Variants in COL12A1 observed in about 807,000 individuals in gnomAD.
COL12A1 encodes collagen alpha-1(XII) chain.
In COL12A1, 114 loss-of-function variants were observed where a neutral mutation model predicts 349.7. That is an observed-to-expected ratio of 0.33 (90% CI 0.28 to 0.38). The LOEUF is 0.38. Among genes scored for constraint, COL12A1 ranks in the 10% least tolerant of loss-of-function variants. The pLI is 1.00. For missense variants in COL12A1, 3,284 were observed against 3,756.9 expected (o/e 0.87, Z 3.29); for synonymous variants, 1,369 against 1,329.0 (o/e 1.03, Z -0.66).
At chr6:75,133,799 T>C (rs1766433545) in intron 33 of COL12A1, 59 bp downstream of exon 33, 1 of 1,596,202 alleles carries the variant, frequency 6.3e-7, no homozygotes, top group African/African-American at 1.3e-5. Flanking sequence ...AGTTCCACTT[T>C]TAAATCACTC....
chr6:75,140,398 T>A (rs923615948), intron 27 of COL12A1, among the ~76,000 whole-genome samples: 1 of 152,204 alleles, frequency 6.6e-6, no homozygotes, highest in African/African-American at 2.4e-5. Flanking sequence ...GGCTCACGCC[T>A]GTAATCCCAG....
At chr6:75,203,033 C>G (rs1770610450) in intron 1 of COL12A1, among the ~76,000 whole-genome samples, 1 of 152,188 alleles carries the variant, frequency 6.6e-6, no homozygotes, top group Admixed American at 6.5e-5. Flanking sequence ...GGAGGAAGTT[C>G]AAGTTTAAAA....
intron 23 of COL12A1, among the ~76,000 whole-genome samples, chr6:75,147,286 T>C (rs1387963243): frequency 6.6e-6 from 1 of 152,234 alleles, no homozygotes; most frequent in Admixed American, 6.5e-5. Flanking sequence ...TGATGTGCTT[T>C]ATTCCTCAAT....
chr6:75,130,314 G>A lies in COL12A1; in HGVS notation c.6068-81C>T, dbSNP rs1582097762. 1.1e-5 allele frequency: 15 copies of A among 1,385,672 alleles called. No homozygotes were observed. The East Asian group carries it at 3.5e-4, about 32-fold the overall frequency. 85.8% of individuals were successfully genotyped at this position (1,385,672 alleles called of 1,614,324 possible). On this transcript the variant is annotated intron_variant, in intron 36 of 65. Transcript: ENST00000322507. Reference sequence around the variant, plus strand: ...CAGATTAAGGAGGTTGCTTGCATGTGTTTCATTCACCATTCACTCAGATGT... The same window carrying A: ...CAGATTAAGGAGGTTGCTTGCATGTATTTCATTCACCATTCACTCAGATGT...
intron 14 of COL12A1, among the ~76,000 whole-genome samples, chr6:75,162,573 T>G (rs1386668027): frequency 6.6e-6 from 1 of 152,024 alleles, no homozygotes; most frequent in Non-Finnish European, 1.5e-5. Context: ...AGAAAACCTA[T>G]GCAATACCAT....
rs1395457336 is a variant in COL12A1, at chr6:75,151,121, A to G, written c.4147+20T>C. On this transcript the variant is annotated intron_variant, in intron 21 of 65. Transcript: ENST00000322507. ...AAATACCAGCAGTGCTGAGGGAGAG[A>G]AACTCTGGGTTAAACTTACCTGGAC... 1 of 1,301,730 alleles carries G rather than the reference A, an allele frequency of 7.7e-7. No homozygotes were observed. The highest frequency in any genetic ancestry group is 1.4e-5 in the South Asian group (1 of 72,414). 80.6% of individuals were successfully genotyped at this position (1,301,730 alleles called of 1,614,324 possible).
At chr6:75,103,698 T>G (rs1768413569) in intron 55 of COL12A1, 59 bp downstream of exon 55, 1 of 1,508,298 alleles carries the variant, frequency 6.6e-7, no homozygotes, top group South Asian at 1.1e-5. Context: ...TGTGAAAATT[T>G]GAACAACCAG....
rs923856499 is a variant in COL12A1 at position 75,147,770 on chromosome 6, A to C, written c.4322T>G (p.Leu1441Arg). The C allele has an allele frequency of 1.2e-6, 2 of 1,613,430 alleles. No homozygotes were observed. The highest frequency in any genetic ancestry group is 2.7e-5 in the African/African-American group (2 of 74,888). The stretch of plus-strand genomic sequence containing the variant: ...TTCAGTTTCAGGTTTCAGATCTTTC[A>C]GCACTGTGCTAGTTTCCATTCGACT... ...YVSRMETSTV[L>R]KDLKPETEYV... Residue 1441 changes from leucine (L) to arginine (R), a missense_variant, in exon 23 of 66, where the codon CTG becomes CGG. Leu to Arg is a moderately radical substitution (Grantham distance 102, BLOSUM62 -2). Around this residue, in one of 2 missense-constraint regions of COL12A1, gnomAD observed 2,601 missense variants for 2,824.8 expected, o/e 0.92. Transcript: ENST00000322507.
At chr6:75,180,246 T>C (rs1475321867) in intron 11 of COL12A1, among the ~76,000 whole-genome samples, 1 of 152,166 alleles carries the variant, frequency 6.6e-6, no homozygotes, top group Non-Finnish European at 1.5e-5. Flanking sequence ...AGTGAAATAA[T>C]CCAGGCACAA....
chr6:75,117,231 G>T, intron 47 of COL12A1, 151 bp downstream of exon 47: 2 of 673,162 alleles, frequency 3.0e-6, no homozygotes, highest in Non-Finnish European at 4.8e-6. Context: ...TAGCATGATC[G>T]CAATAGGAAC....
rs1268905889 is a variant in COL12A1 at position 75,137,629 on chromosome 6, C to T, written c.5252-50G>A. On this transcript the variant is annotated intron_variant, in intron 30 of 65. Transcript: ENST00000322507. ...GAGTAAGCAGACAGAACAATGCCTC[C>T]CCCTAAAATATATACAGCTCCCAAG... 5 of 1,600,990 alleles carry T rather than the reference C, an allele frequency of 3.1e-6. No homozygotes were observed. In the African/African-American group the frequency reaches 6.7e-5, roughly 22 times the overall value.
At chr6:75,163,633 C>T (rs750653711) in intron 14 of COL12A1, among the ~76,000 whole-genome samples, 5 of 152,138 alleles carry the variant, frequency 3.3e-5, no homozygotes, top group East Asian at 1.9e-4. Flanking sequence ...ACACATTCTG[C>T]GCATGTACCC....
intron 27 of COL12A1, among the ~76,000 whole-genome samples, chr6:75,140,394 C>A (rs1157898410): frequency 6.6e-6 from 1 of 152,124 alleles, no homozygotes; most frequent in Admixed American, 6.5e-5. Context: ...CTGTGGCTCA[C>A]GCCTGTAATC....
At chr6:75,192,411 A>G (rs918701599) in intron 3 of COL12A1, 56 bp from the exon 4 acceptor site, 18 of 1,469,304 alleles carry the variant, frequency 1.2e-5, no homozygotes, top group Non-Finnish European at 1.7e-5. Context: ...CACATATAAC[A>G]CAATACATTG....
rs760246080 is a variant in COL12A1, at chr6:75,113,747, G to A, written c.7698-3C>T. 7.6e-5 allele frequency: 119 copies of A among 1,563,962 alleles called. No individual in the cohort carries two copies. Among genetic ancestry groups the A allele is most frequent in the Non-Finnish European group, 9.7e-5 (112 of 1,154,178 alleles). On this transcript the variant is annotated splice_region_variant and splice_polypyrimidine_tract_variant and intron_variant, in intron 49 of 65. Coordinates refer to ENST00000322507, the MANE Select transcript of COL12A1 (RefSeq NM_004370.6). ...GGAGTCCATTTGGGTGTAGGTCTCT[G>A]TTGGATAAAACAAAAGAAAGAAAAA...
intron 33 of COL12A1, among the ~76,000 whole-genome samples, 157 bp from the exon 34 acceptor site, chr6:75,133,579 T>C (rs1024842441): frequency 6.6e-6 from 1 of 151,968 alleles, no homozygotes; most frequent in Non-Finnish European, 1.5e-5. Context: ...TTACAAGAGG[T>C]TACATATTTC....
chr6:75,135,101 C>CGAGTAACGTCGGGGCATTCCGGACGTTTT (rs1766521226), intron 31 of COL12A1, among the ~76,000 whole-genome samples: 1 of 151,446 alleles, frequency 6.6e-6, no homozygotes, highest in Non-Finnish European at 1.5e-5. Context: ...ACTTGCTAGC[C>CGAGTAACGTCGGGGCATTCCGGACGTTTT]GCCAGCACTG....
chr6:75,101,627 T>A lies in COL12A1; in HGVS notation c.8496A>T (p.Pro2832=). Residue 2832 remains proline (P), a synonymous_variant, in exon 58 of 66, where the codon CCA becomes CCT. Transcript: ENST00000322507. ...TGTCTCCTGGAGGTCCCATTGGTCC[T>A]GGTGGGCCAGGTAATCCTGGGGTTC... is the stretch of plus-strand genomic sequence containing the variant. The part of the protein sequence containing the change: ...RTGTPGLPGP[P]GPMGPPGDRG... 6.2e-7 allele frequency: 1 copy of A among 1,613,942 alleles called. No individual in the cohort carries two copies. The highest frequency in any genetic ancestry group is 8.5e-7 in the Non-Finnish European group (1 of 1,179,876).
At chr6:75,173,236 C>A (rs997561068) in intron 13 of COL12A1, among the ~76,000 whole-genome samples, 1 of 152,140 alleles carries the variant, frequency 6.6e-6, no homozygotes, top group Non-Finnish European at 1.5e-5. Context: ...AAGGTTTACT[C>A]CAGGTCACAC....
Sources: allele counts gnomAD v4.1 joint callset (sites outside exome capture counted in the v4.1 genomes callset), GRCh38; gene constraint gnomAD v4.1.1; regional missense constraint gnomAD v4.1.1; transcripts MANE v1.5; gene names NCBI Gene and HGNC (gene_info 2026-07-23, HGNC 2026-07-21).